SANBR: variants seen among roughly 807,000 people sequenced by gnomAD.
The protein encoded by SANBR is SANT and BTB domain regulator of class switch recombination.
A neutral mutation model predicts 101.8 loss-of-function variants in SANBR; 77 were observed. The ratio of observed to expected loss-of-function variants is 0.76; its 90% CI spans 0.63 to 0.91. The LOEUF is 0.91. SANBR is among the 40% of genes least tolerant of loss of function. The probability of loss-of-function intolerance (pLI) is 0.00; values close to 1 mark genes in which losing one functional copy is unlikely to be tolerated. For synonymous variants in SANBR, 279 were observed against 274.7 expected (o/e 1.02, Z -0.15); for missense variants, 875 against 853.0 (o/e 1.03, Z -0.32).
chr2:61,110,722 C>T (rs981380985), intron 16 of SANBR, among the ~76,000 whole-genome samples: 1 of 150,994 alleles, frequency 6.6e-6, no homozygotes, highest in Non-Finnish European at 1.5e-5. Context: ...GTGGCAGGTG[C>T]GTGTAATCAC....
At chr2:61,066,202 A>G (rs1036627512) in intron 1 of SANBR, 175 bp downstream of exon 1, 3 of 152,266 alleles carry the variant, frequency 2.0e-5, no homozygotes, top group Admixed American at 6.6e-5. Flanking sequence ...CCGCGCCTCG[A>G]GCAGCCAGCT....
At chr2:61,086,271 TC>T (rs1682423264) in intron 8 of SANBR, among the ~76,000 whole-genome samples, 1 of 151,946 alleles carries the variant, frequency 6.6e-6, no homozygotes, top group African/African-American at 2.4e-5. Context: ...TCAAGCATCC[TC>T]CCACCTTGAT....
Position 61,122,704 on chromosome 2 carries a change from T to A in SANBR, c.*542T>A. The A allele has an allele frequency of 1.0e-6, 1 of 985,806 alleles. No homozygotes were observed. The allele number at this position is 985,806 out of a possible 1,614,324, so 61.1% of individuals were successfully genotyped here. A position where few individuals can be genotyped will look rare whatever the true frequency, so the allele number is the denominator to read the frequency against. ...CATTAAATGAAGTTTCAGGGTAAGG[T>A]ATTTCAGTACTGTGTTGGGCAGAAG... On this transcript the variant is annotated 3_prime_UTR_variant, in exon 22 of 22. Transcript: ENST00000402291.
intron 16 of SANBR, among the ~76,000 whole-genome samples, chr2:61,114,073 A>C (rs1403067889): frequency 6.6e-6 from 1 of 151,892 alleles, no homozygotes; most frequent in Non-Finnish European, 1.5e-5. Flanking sequence ...TCTGGTGTAA[A>C]CTCCACTTGG....
chr2:61,086,513 G>A (rs1682438553), intron 8 of SANBR, among the ~76,000 whole-genome samples: 1 of 152,068 alleles, frequency 6.6e-6, no homozygotes, highest in Non-Finnish European at 1.5e-5. Flanking sequence ...TTAAGAACCT[G>A]AGAAGGAGGA....
chr2:61,103,339 A>G (rs545263219), intron 12 of SANBR, among the ~76,000 whole-genome samples: 196 of 152,092 alleles, frequency 1.3e-3, no homozygotes, highest in Non-Finnish European at 1.9e-3. Context: ...GGGTTTTGCC[A>G]TGTTGTCCAG....
At chr2:61,077,331 T>C (rs1681845297) in intron 6 of SANBR, among the ~76,000 whole-genome samples, 173 bp downstream of exon 6, 1 of 152,180 alleles carries the variant, frequency 6.6e-6, no homozygotes, top group African/African-American at 2.4e-5. Flanking sequence ...TTATAGTAAA[T>C]TTATGGCAAA....
At chr2:61,115,867 G>C (rs1290048921) in intron 16 of SANBR, 112 bp from the exon 17 acceptor site, 3 of 619,154 alleles carry the variant, frequency 4.8e-6, no homozygotes, top group Non-Finnish European at 8.3e-6. Flanking sequence ...AGGTTAATTT[G>C]TTAGTTTTCT....
At chr2:61,107,218 A>G (rs1683616286) in intron 14 of SANBR, among the ~76,000 whole-genome samples, 1 of 151,660 alleles carries the variant, frequency 6.6e-6, no homozygotes, top group African/African-American at 2.4e-5. Flanking sequence ...TAAGGTTTTT[A>G]TTATGGACAA....
intron 6 of SANBR, among the ~76,000 whole-genome samples, chr2:61,079,808 G>T (rs1293405131): frequency 6.6e-6 from 1 of 152,028 alleles, no homozygotes; most frequent in Non-Finnish European, 1.5e-5. Context: ...GGCTGAGGAG[G>T]AGAATCTCTT....
chr2:61,085,941 T>A (rs1682404326), intron 8 of SANBR, among the ~76,000 whole-genome samples: 1 of 152,208 alleles, frequency 6.6e-6, no homozygotes, highest in South Asian at 2.1e-4. Flanking sequence ...ATAAATTTGA[T>A]AATCAGCTTA....
intron 12 of SANBR, among the ~76,000 whole-genome samples, chr2:61,098,195 C>G (rs1019527031): frequency 2.6e-5 from 4 of 151,652 alleles, no homozygotes; most frequent in African/African-American, 4.8e-5. Flanking sequence ...CCTCTGCCTC[C>G]CAGGCTCAAA....
At chr2:61,109,677 G>GT (rs1363427197) in intron 16 of SANBR, among the ~76,000 whole-genome samples, 3,730 of 109,116 alleles carry the variant, frequency 0.034, 221 homozygotes, top group Middle Eastern at 0.055. Context: ...TTTTTTTTGT[G>GT]TTTGTTTTTT....
intron 5 of SANBR, among the ~76,000 whole-genome samples, chr2:61,076,142 TGCCACCATG>T (rs201406960): frequency 0.054 from 8,166 of 151,410 alleles, 332 homozygotes; most frequent in Non-Finnish European, 0.083. Context: ...TGCAGGTGCA[TGCCACCATG>T]GCCAGCTAAT....
chr2:61,086,849 C>G (rs777357254), intron 8 of SANBR, among the ~76,000 whole-genome samples: 3 of 151,590 alleles, frequency 2.0e-5, no homozygotes, highest in Non-Finnish European at 4.4e-5. Context: ...GAATTTAATC[C>G]TTAAGGGGAA....
At chr2:61,089,637 T>C (rs1253199269) in intron 10 of SANBR, 2 of 152,422 alleles carry the variant, frequency 1.3e-5, no homozygotes, top group African/African-American at 2.4e-5. Flanking sequence ...AGCACACCAT[T>C]GCACTCCAGC....
intron 20 of SANBR, among the ~76,000 whole-genome samples, chr2:61,118,386 A>G (rs1328096922): frequency 6.6e-6 from 1 of 151,186 alleles, no homozygotes; most frequent in African/African-American, 2.4e-5. Flanking sequence ...GGTTACAGGC[A>G]TGCACCACCA....
At chr2:61,075,782 A>G (rs1330387295) in intron 5 of SANBR, among the ~76,000 whole-genome samples, 1 of 151,840 alleles carries the variant, frequency 6.6e-6, no homozygotes, top group East Asian at 1.9e-4. Context: ...AAAAGTAACA[A>G]AGCCATGCTA....
intron 16 of SANBR, among the ~76,000 whole-genome samples, chr2:61,111,317 TG>T (rs1393052728): frequency 6.6e-6 from 1 of 151,872 alleles, no homozygotes; most frequent in African/African-American, 2.4e-5. Context: ...GGTGTGAACC[TG>T]GGAGGCGGAG....
Sources: allele counts gnomAD v4.1 joint callset (sites outside exome capture counted in the v4.1 genomes callset), GRCh38; gene constraint gnomAD v4.1.1; transcripts MANE v1.5; gene names NCBI Gene and HGNC (gene_info 2026-07-23, HGNC 2026-07-21).